The following NXN variants were observed in gnomAD, a reference collection of about 807,000 sequenced individuals.
The protein encoded by NXN is nucleoredoxin 1.
Under a neutral mutation model 48.6 loss-of-function variants are expected in NXN, and 16 were observed. The ratio of observed to expected loss-of-function variants is 0.33; its 90% CI spans 0.22 to 0.50. The LOEUF (loss-of-function observed/expected upper bound fraction) is 0.50, where lower values mean the gene tolerates loss of function less well. NXN is among the 20% of genes least tolerant of loss of function. NXN has a pLI of 0.98. For missense variants in NXN, 492 were observed against 605.5 expected (o/e 0.81, Z 1.97); for synonymous variants, 281 against 269.6 (o/e 1.04, Z -0.41).
At chr17:938,390 T>G (rs2068932955) in intron 1 of NXN, among the ~76,000 whole-genome samples, 1 of 151,874 alleles carries the variant, frequency 6.6e-6, no homozygotes, top group South Asian at 2.1e-4. Flanking sequence ...AAAGAAAAGG[T>G]CCCCAGCCCG....
chr17:917,000 G>A (rs1392055515), intron 1 of NXN, among the ~76,000 whole-genome samples: 6 of 152,198 alleles, frequency 3.9e-5, no homozygotes, highest in Non-Finnish European at 7.3e-5. Flanking sequence ...TTTTTGGTGG[G>A]TCTTTATCTT....
chr17:826,110 A>G (rs760203158), intron 1 of NXN, 32 bp from the exon 2 acceptor site: 2 of 1,399,488 alleles, frequency 1.4e-6, no homozygotes, highest in Non-Finnish European at 1.0e-6. Flanking sequence ...AAGGTGGTTA[A>G]GTCCAAACCA....
At chr17:885,384 G>A (rs1482393555) in intron 1 of NXN, among the ~76,000 whole-genome samples, 5 of 151,972 alleles carry the variant, frequency 3.3e-5, no homozygotes, top group Admixed American at 3.3e-4. Context: ...GGCTGAGGCA[G>A]GAGAATCACT....
At position 823,701 on chromosome 17, in the gene NXN, G is replaced by A. The variant is rs113173467; in HGVS notation, c.543C>T (p.Asn181=). The change falls in exon 3 of 8, where the codon AAC becomes AAT. Residue 181 remains asparagine (N), a synonymous_variant. Coordinates refer to ENST00000336868, the MANE Select transcript of NXN (RefSeq NM_022463.5). ...REVIAGPLLR[N]NGQSLESSSL... ...TGCTGCTCTCCAGAGACTGCCCATT[G>A]TTTCTAAGCAAGGGCCCTGCAATGA... 1.5e-3 allele frequency: 2,448 copies of A among 1,614,108 alleles called. 28 individuals are homozygous for A. In the African/African-American group the frequency reaches 0.022, roughly 15 times the overall value.
Position 919,672 on chromosome 17 carries a change from A to G in NXN, c.360+59647T>C, listed in dbSNP as rs974660206. On this transcript the variant is annotated intron_variant, in intron 1 of 7. Coordinates refer to ENST00000336868, the MANE Select transcript of NXN (RefSeq NM_022463.5). This position sits in a 1 kb window ranked among gnomAD's most constrained non-coding sequence, Gnocchi z 5.1. Reference sequence around the variant, plus strand: ...CTGGTTCAAGGTGGGAGACAGAGACAACACCAATCAGCCCTTACCAGGCAG... The same window carrying G: ...CTGGTTCAAGGTGGGAGACAGAGACGACACCAATCAGCCCTTACCAGGCAG... Among the ~76,000 whole-genome samples, 13 of 152,136 alleles carry G rather than the reference A, an allele frequency of 8.5e-5. No individual in the cohort carries two copies. The highest frequency in any genetic ancestry group is 1.3e-4 in the Admixed American group (2 of 15,260).
At chr17:944,373 C>G (rs1011892151) in intron 1 of NXN, among the ~76,000 whole-genome samples, 1 of 152,228 alleles carries the variant, frequency 6.6e-6, no homozygotes, top group Admixed American at 6.5e-5. Context: ...ATCAAATACG[C>G]TTCTCTGACT....
At chr17:882,865 C>T (rs1478510796) in intron 1 of NXN, among the ~76,000 whole-genome samples, 1 of 152,122 alleles carries the variant, frequency 6.6e-6, no homozygotes, top group Non-Finnish European at 1.5e-5. Context: ...CGGGTTCAAG[C>T]GATTCTCTTG....
chr17:828,441 A>C, intron 1 of NXN, among the ~76,000 whole-genome samples: 1 of 127,868 alleles, frequency 7.8e-6, no homozygotes, highest in African/African-American at 3.1e-5. Flanking sequence ...TTACTCTGTC[A>C]CCCAGGCTAG....
At chr17:812,066 T>G (rs983246226) in intron 5 of NXN, among the ~76,000 whole-genome samples, 1 of 151,190 alleles carries the variant, frequency 6.6e-6, no homozygotes, top group African/African-American at 2.4e-5. Context: ...TAGCTGGGAC[T>G]ACAGGCGCCC....
intron 1 of NXN, among the ~76,000 whole-genome samples, chr17:975,696 T>C (rs746234498): frequency 6.6e-6 from 1 of 152,250 alleles, no homozygotes; most frequent in African/African-American, 2.4e-5. Context: ...ACTGACCATA[T>C]GTTTTTGATC....
intron 1 of NXN, among the ~76,000 whole-genome samples, chr17:964,926 A>G (rs1400723657): frequency 1.3e-5 from 2 of 152,208 alleles, no homozygotes; most frequent in African/African-American, 4.8e-5. Context: ...GTATTAAGAA[A>G]AAGACTCCCT....
At chr17:967,424 G>A (rs1007583200) in intron 1 of NXN, among the ~76,000 whole-genome samples, 4 of 152,160 alleles carry the variant, frequency 2.6e-5, no homozygotes, top group African/African-American at 4.8e-5. Context: ...TGTGCCACCC[G>A]GGCCTAAAGC....
chr17:812,117 CG>C (rs1020434786), intron 5 of NXN, among the ~76,000 whole-genome samples: 1 of 150,194 alleles, frequency 6.7e-6, no homozygotes, highest in Non-Finnish European at 1.5e-5. Flanking sequence ...TTAATAGAGA[CG>C]GGGTTTCACC....
chr17:875,600 T>A (rs2068205344), intron 1 of NXN, among the ~76,000 whole-genome samples: 1 of 151,782 alleles, frequency 6.6e-6, no homozygotes, highest in South Asian at 2.1e-4. Flanking sequence ...GTTGTGGTGT[T>A]TTTGTTTTTG....
chr17:899,109 C>A (rs987018435), intron 1 of NXN, among the ~76,000 whole-genome samples: 18 of 152,092 alleles, frequency 1.2e-4, no homozygotes, highest in African/African-American at 2.2e-4. Flanking sequence ...AGGCACCCAC[C>A]ACCATGCACA....
chr17:820,555 T>A (rs568722561), intron 4 of NXN, among the ~76,000 whole-genome samples: 222 of 129,934 alleles, frequency 1.7e-3, no homozygotes, highest in Non-Finnish European at 2.6e-3. Context: ...GAGCTTGCAG[T>A]GAGCCGAGAT....
chr17:961,994 G>A (rs2069243169), intron 1 of NXN, among the ~76,000 whole-genome samples: 1 of 151,690 alleles, frequency 6.6e-6, no homozygotes, highest in African/African-American at 2.4e-5. Flanking sequence ...AATTAGCCAG[G>A]CGTGGTGGCG....
chr17:940,592 C>T, intron 1 of NXN, among the ~76,000 whole-genome samples: 1 of 152,256 alleles, frequency 6.6e-6, no homozygotes, highest in East Asian at 1.9e-4. Context: ...CATCTCACAA[C>T]AGCCCAGCGG....
chr17:885,657 G>C (rs960648376), intron 1 of NXN, among the ~76,000 whole-genome samples: 1 of 149,496 alleles, frequency 6.7e-6, no homozygotes, highest in African/African-American at 2.5e-5. Context: ...GCCCACCTGG[G>C]GGCTGCGGTA....
Sources: allele counts gnomAD v4.1 joint callset (sites outside exome capture counted in the v4.1 genomes callset), GRCh38; gene constraint gnomAD v4.1.1; non-coding constraint Gnocchi (gnomAD v3.1); transcripts MANE v1.5; gene names NCBI Gene and HGNC (gene_info 2026-07-23, HGNC 2026-07-21).